ROBO1: variants seen among roughly 807,000 people sequenced by gnomAD.
ROBO1 encodes the protein roundabout homolog 1.
A neutral mutation model predicts 195.9 loss-of-function variants in ROBO1; 149 were observed. The ratio of observed to expected loss-of-function variants is 0.76; its 90% confidence interval spans 0.67 to 0.87. ROBO1 has a LOEUF of 0.87. Ranked by LOEUF, ROBO1 falls within the 40% of genes least tolerant of loss-of-function variation. The pLI is 0.00. For synonymous variants in ROBO1, 816 were observed against 733.2 expected (o/e 1.11, Z -1.82); for missense variants, 1,933 against 2,068.3 (o/e 0.93, Z 1.27).
chr3:78,697,956 C>T (rs974969213), intron 8 of ROBO1, among the ~76,000 whole-genome samples: 11 of 151,988 alleles, frequency 7.2e-5, no homozygotes, highest in Middle Eastern at 3.4e-3. Context: ...GAAATCATCT[C>T]GACTATGGAA....
intron 2 of ROBO1, among the ~76,000 whole-genome samples, chr3:79,495,546 T>C (rs1164946390): frequency 6.6e-6 from 1 of 152,138 alleles, no homozygotes; most frequent in East Asian, 1.9e-4. Flanking sequence ...GTCTTAAACT[T>C]TGACATTAAA....
intron 1 of ROBO1, among the ~76,000 whole-genome samples, chr3:79,651,292 A>G (rs1487917716): frequency 6.6e-6 from 1 of 152,156 alleles, no homozygotes; most frequent in Admixed American, 6.6e-5. Flanking sequence ...AAATATAAAA[A>G]TTGATAAATG....
intron 3 of ROBO1, among the ~76,000 whole-genome samples, chr3:79,050,738 A>T (rs1486458415): frequency 6.6e-6 from 1 of 152,318 alleles, no homozygotes; most frequent in African/African-American, 2.4e-5. Context: ...TCAAATTAGA[A>T]CTCAGGATTA....
chr3:79,416,722 A>G (rs936423427), intron 2 of ROBO1, among the ~76,000 whole-genome samples: 34 of 152,264 alleles, frequency 2.2e-4, no homozygotes, highest in African/African-American at 8.2e-4. Flanking sequence ...TTATTTATAG[A>G]CAGTAATGCT....
intron 10 of ROBO1, among the ~76,000 whole-genome samples, chr3:78,675,851 G>A (rs868014893): frequency 1.3e-5 from 2 of 152,122 alleles, no homozygotes; most frequent in Admixed American, 1.3e-4. Flanking sequence ...CTGGAGATCT[G>A]AGAAAGGGCA....
chr3:79,595,699 T>C (rs969785557), intron 1 of ROBO1, among the ~76,000 whole-genome samples: 9 of 151,510 alleles, frequency 5.9e-5, no homozygotes, highest in Non-Finnish European at 1.0e-4. Flanking sequence ...CCACCACACT[T>C]GGCTTTCTTC....
intron 3 of ROBO1, among the ~76,000 whole-genome samples, chr3:78,986,427 C>CGTTT (rs1312283426): frequency 6.6e-6 from 1 of 151,232 alleles, no homozygotes; most frequent in Non-Finnish European, 1.5e-5. Flanking sequence ...GGATGCAAAC[C>CGTTT]AGTCAACCAT....
intron 3 of ROBO1, among the ~76,000 whole-genome samples, chr3:79,024,878 T>A (rs2078173887): frequency 6.7e-6 from 1 of 150,152 alleles, no homozygotes. Flanking sequence ...AGACCATATG[T>A]TTAAGTCACT....
chr3:78,991,065 C>T (rs2077225765), intron 3 of ROBO1, among the ~76,000 whole-genome samples: 3 of 152,050 alleles, frequency 2.0e-5, no homozygotes, highest in African/African-American at 7.2e-5. Context: ...TAATAACCTA[C>T]ATTAAAAAAT....
chr3:79,343,155 T>C (rs1290414415), intron 2 of ROBO1, among the ~76,000 whole-genome samples: 1 of 152,172 alleles, frequency 6.6e-6, no homozygotes, highest in African/African-American at 2.4e-5. Flanking sequence ...TTAAGTTTCT[T>C]CCACGTCTCT....
At chr3:79,244,860 A>G (rs1559761087) in intron 2 of ROBO1, among the ~76,000 whole-genome samples, 1 of 152,030 alleles carries the variant, frequency 6.6e-6, no homozygotes, top group Non-Finnish European at 1.5e-5. Flanking sequence ...GTTTGAATAT[A>G]CTTCATTTTT....
At chr3:78,699,337 G>A (rs972146055) in intron 8 of ROBO1, among the ~76,000 whole-genome samples, 4 of 145,044 alleles carry the variant, frequency 2.8e-5, no homozygotes, top group Non-Finnish European at 6.0e-5. Flanking sequence ...TCACTTTGAG[G>A]TTAGGAGTTC....
chr3:79,729,075 G>A (rs982761697), intron 1 of ROBO1, among the ~76,000 whole-genome samples: 2 of 152,040 alleles, frequency 1.3e-5, no homozygotes, highest in Non-Finnish European at 2.9e-5. Context: ...TTTTATTTGA[G>A]AATTGTTGAA....
At chr3:79,615,446 C>A (rs909138661) in intron 1 of ROBO1, among the ~76,000 whole-genome samples, 8 of 152,156 alleles carry the variant, frequency 5.3e-5, no homozygotes, top group African/African-American at 1.9e-4. Flanking sequence ...AGCCCAACCA[C>A]CTTGGGCACA....
chr3:78,976,195 G>A (rs2076881233), intron 3 of ROBO1, among the ~76,000 whole-genome samples: 1 of 152,142 alleles, frequency 6.6e-6, no homozygotes, highest in Non-Finnish European at 1.5e-5. Context: ...TTAAGGCACA[G>A]TACTGAGAAA....
intron 2 of ROBO1, among the ~76,000 whole-genome samples, chr3:79,439,242 C>T (rs562427815): frequency 2.6e-5 from 4 of 152,076 alleles, no homozygotes; most frequent in South Asian, 2.1e-4. Context: ...AGGCAAATTT[C>T]GTACTGTGGA....
intron 1 of ROBO1, among the ~76,000 whole-genome samples, chr3:79,729,938 G>C (rs1703076808): frequency 6.6e-6 from 1 of 152,140 alleles, no homozygotes. Flanking sequence ...CCCATCCCAT[G>C]ATTTCTCTGT....
chr3:78,955,491 T>C (rs1444072578), intron 3 of ROBO1, among the ~76,000 whole-genome samples: 2 of 152,120 alleles, frequency 1.3e-5, no homozygotes, highest in East Asian at 3.8e-4. Context: ...ATAAAATTCC[T>C]TAACCATAGG....
chr3:78,714,468 A>G lies in ROBO1; in HGVS notation c.974T>C (p.Met325Thr). The change falls in exon 8 of 31, where the codon ATG (methionine) becomes ACG (threonine). Residue 325 changes from methionine (M) to threonine (T), a missense_variant. Around this residue, in one of 3 missense-constraint regions of ROBO1, gnomAD observed 1,737 missense variants for 1,882.5 expected, o/e 0.92. Transcript: ENST00000464233. ...LKIRKVTAGDMGSYTCVAENM... is the reference protein window; with the variant it reads ...LKIRKVTAGDTGSYTCVAENM... ...TTCTGCAACACAAGTGTATGAACCCATGTCACCAGCTGTCACCTTCCTAAT... is the reference window on the plus strand; with the variant it reads ...TTCTGCAACACAAGTGTATGAACCCGTGTCACCAGCTGTCACCTTCCTAAT... 1 of 1,613,110 alleles carries G rather than the reference A, an allele frequency of 6.2e-7. No individual in the cohort carries two copies. Among genetic ancestry groups the G allele is most frequent in the South Asian group, 1.1e-5 (1 of 90,898 alleles).
Sources: gnomAD v4.1 joint callset for allele counts (sites outside exome capture counted in the v4.1 genomes callset) on GRCh38, gnomAD v4.1.1 for gene constraint, gnomAD v4.1.1 regional missense constraint, MANE v1.5 for transcripts, NCBI Gene and HGNC (gene_info 2026-07-23, HGNC 2026-07-21) for gene names.